Variants in SPMIP2 observed in about 807,000 individuals in gnomAD.
SPMIP2 encodes protein SPMIP2.
the SPMIP2 span, among the ~76,000 whole-genome samples, chr4:158,956,719 CACATGCT>C: frequency 6.6e-6 from 1 of 152,176 alleles, no homozygotes; most frequent in Non-Finnish European, 1.5e-5. Context: ...TTGCTGTATA[CACATGCT>C]TTACTTCCCC....
the SPMIP2 span, among the ~76,000 whole-genome samples, chr4:159,005,221 C>CAA: frequency 0.023 from 1,240 of 53,074 alleles, 151 homozygotes; most frequent in African/African-American, 0.085. Context: ...GACTCCGCCT[C>CAA]AAAAAAAAAA....
At chr4:158,985,270 C>A in the SPMIP2 span, among the ~76,000 whole-genome samples, 34 of 142,274 alleles carry the variant, frequency 2.4e-4, no homozygotes, top group African/African-American at 7.8e-4. Context: ...GGAATCCTCC[C>A]TCACTCATTT....
chr4:159,030,140 C>A, the SPMIP2 span, among the ~76,000 whole-genome samples: 7 of 152,182 alleles, frequency 4.6e-5, no homozygotes, highest in East Asian at 1.2e-3. Flanking sequence ...TGGCTGGGTG[C>A]GGTGGCTCAT....
chr4:159,042,162 T>C, the SPMIP2 span, among the ~76,000 whole-genome samples: 3 of 152,210 alleles, frequency 2.0e-5, no homozygotes, highest in East Asian at 5.8e-4. Flanking sequence ...TCAATCCTAA[T>C]ATTTTCCTAG....
chr4:158,915,151 G>C, the SPMIP2 span: 1 of 1,594,576 alleles, frequency 6.3e-7, no homozygotes, highest in Non-Finnish European at 8.6e-7. Context: ...TGACGATTTA[G>C]AAAAGCAAAA....
the SPMIP2 span, among the ~76,000 whole-genome samples, chr4:158,998,033 C>T: frequency 3.9e-5 from 6 of 152,236 alleles, no homozygotes; most frequent in South Asian, 1.0e-3. Context: ...ATGTTTTAGG[C>T]TTGCAGGTCA....
chr4:158,987,923 C>CA, the SPMIP2 span, among the ~76,000 whole-genome samples: 1,309 of 151,854 alleles, frequency 8.6e-3, 8 homozygotes, highest in Non-Finnish European at 0.015. Flanking sequence ...GATAGAGACA[C>CA]AAAAAACCCT....
chr4:158,930,527 AT>A, the SPMIP2 span, among the ~76,000 whole-genome samples: 1 of 144,826 alleles, frequency 6.9e-6, no homozygotes, highest in South Asian at 2.2e-4. Flanking sequence ...TTTTTAAGAG[AT>A]TCTGTCACCC....
the SPMIP2 span, chr4:158,893,615 T>A: frequency 8.3e-7 from 1 of 1,200,342 alleles, no homozygotes; most frequent in East Asian, 2.5e-5. Context: ...TGAGAAGCAC[T>A]TGTGGATTAT....
chr4:158,981,166 A>C, the SPMIP2 span, among the ~76,000 whole-genome samples: 1 of 152,220 alleles, frequency 6.6e-6, no homozygotes, highest in Non-Finnish European at 1.5e-5. Context: ...AAAAAGAATG[A>C]AAAGGAAGGA....
chr4:159,022,431 G>T, the SPMIP2 span, among the ~76,000 whole-genome samples: 1 of 152,172 alleles, frequency 6.6e-6, no homozygotes, highest in African/African-American at 2.4e-5. Context: ...AAATTAGATC[G>T]TAAAGAGCAG....
the SPMIP2 span, among the ~76,000 whole-genome samples, chr4:158,928,269 G>T: frequency 3.3e-5 from 5 of 152,044 alleles, no homozygotes; most frequent in Admixed American, 2.6e-4. Context: ...TGCACCAGTC[G>T]ACACTCTGTA....
At chr4:158,952,144 G>A in the SPMIP2 span, among the ~76,000 whole-genome samples, 1 of 152,140 alleles carries the variant, frequency 6.6e-6, no homozygotes, top group Non-Finnish European at 1.5e-5. Flanking sequence ...AACACACTGT[G>A]AAAGGAAGTA....
chr4:158,970,607 G>C, the SPMIP2 span, among the ~76,000 whole-genome samples: 3 of 152,008 alleles, frequency 2.0e-5, no homozygotes, highest in African/African-American at 7.2e-5. Flanking sequence ...GTATGCCTTA[G>C]ATGTAGAGGG....
the SPMIP2 span, among the ~76,000 whole-genome samples, chr4:158,996,519 C>G: frequency 2.6e-5 from 4 of 152,156 alleles, no homozygotes; most frequent in African/African-American, 9.7e-5. Context: ...CATTTGAGTG[C>G]TGCAAGTAAT....
chr4:158,993,517 G>A, the SPMIP2 span, among the ~76,000 whole-genome samples: 3 of 152,076 alleles, frequency 2.0e-5, no homozygotes, highest in Admixed American at 6.6e-5. Context: ...CTATTACTGG[G>A]ATTCTCTGCA....
the SPMIP2 span, chr4:158,904,871 G>A: frequency 4.0e-6 from 1 of 251,896 alleles, no homozygotes; most frequent in Admixed American, 4.8e-5. Flanking sequence ...TGTTTGGGCA[G>A]AATAAAGACA....
the SPMIP2 span, among the ~76,000 whole-genome samples, chr4:158,945,691 G>C: frequency 2.0e-5 from 3 of 152,148 alleles, no homozygotes. Flanking sequence ...ACCAGCCACA[G>C]ACATAATGAC....
the SPMIP2 span, among the ~76,000 whole-genome samples, chr4:159,059,521 C>T: frequency 1.3e-5 from 2 of 152,060 alleles, no homozygotes; most frequent in Non-Finnish European, 2.9e-5. Flanking sequence ...TACAGGTGTG[C>T]ACCACCAAAC....
Sources: gnomAD v4.1 joint callset for allele counts (sites outside exome capture counted in the v4.1 genomes callset) on GRCh38, gnomAD v4.1.1 for gene constraint, MANE v1.5 for transcripts, NCBI Gene and HGNC (gene_info 2026-07-23, HGNC 2026-07-21) for gene names.